Variants in HECW2 observed in about 807,000 individuals in gnomAD.
HECW2 encodes the protein E3 ubiquitin-protein ligase HECW2.
Under a neutral mutation model 175.2 loss-of-function variants are expected in HECW2, and 61 were observed. The ratio of observed to expected loss-of-function variants is 0.35; its 90% CI spans 0.28 to 0.43. The LOEUF is 0.43. HECW2 is among the 20% of genes least tolerant of loss of function. The pLI, the probability that HECW2 is intolerant of heterozygous loss-of-function variation, is 1.00. For missense variants in HECW2, 1,524 were observed against 2,000.5 expected, an observed-to-expected ratio of 0.76 and a Z score of 4.54; for synonymous variants, 671 against 731.0, an observed-to-expected ratio of 0.92 and a Z score of 1.32.
chr2:196,385,943 G>A (rs1190420713), intron 2 of HECW2, among the ~76,000 whole-genome samples: 2 of 152,120 alleles, frequency 1.3e-5, no homozygotes, highest in Non-Finnish European at 2.9e-5. Flanking sequence ...CAACAGTGTA[G>A]AGCTGTGTAT....
chr2:196,270,906 G>T (rs1689706412), intron 17 of HECW2, among the ~76,000 whole-genome samples: 2 of 152,190 alleles, frequency 1.3e-5, no homozygotes, highest in East Asian at 1.9e-4. Context: ...ATGTTGGGCA[G>T]GATGGTCTTG....
At chr2:196,203,635 T>C (rs557176851) in intron 28 of HECW2, among the ~76,000 whole-genome samples, 1 of 152,336 alleles carries the variant, frequency 6.6e-6, no homozygotes, top group Non-Finnish European at 1.5e-5. Flanking sequence ...TCTTGCTTTT[T>C]ACATTTCCTG....
intron 2 of HECW2, among the ~76,000 whole-genome samples, chr2:196,390,616 A>G (rs1694477638): frequency 6.6e-6 from 1 of 152,178 alleles, no homozygotes; most frequent in African/African-American, 2.4e-5. Context: ...AAGTACTGTG[A>G]CTGCATGTTT....
At chr2:196,223,020 C>T (rs1054277922) in intron 23 of HECW2, among the ~76,000 whole-genome samples, 2 of 151,930 alleles carry the variant, frequency 1.3e-5, no homozygotes, top group Non-Finnish European at 2.9e-5. Context: ...CATTGATTTG[C>T]TATAGCTGTT....
intron 26 of HECW2, 56 bp from the exon 27 acceptor site, chr2:196,217,149 CA>C: frequency 7.9e-7 from 1 of 1,270,202 alleles, no homozygotes; most frequent in Non-Finnish European, 1.1e-6. Context: ...ATTAAGCCAC[CA>C]AGATACGTGA....
At chr2:196,490,425 T>C (rs928216793) in intron 1 of HECW2, among the ~76,000 whole-genome samples, 10 of 152,220 alleles carry the variant, frequency 6.6e-5, no homozygotes, top group Non-Finnish European at 1.2e-4. Context: ...TGCTCTCATT[T>C]GATCCAAAAT....
Position 196,278,659 on chromosome 2 carries a change from A to G in HECW2, c.3004T>C (p.Phe1002Leu). ...GTGCGGGAGTTGTGGTCCACAAAGA[A>G]TGCCTAGGATACAATACACTGAGTC... ...EMKHDHQGKA[F>L]FVDHNSRTTT... The change falls in exon 15 of 29, where the codon TTC (phenylalanine) becomes CTC (leucine). Residue 1002 changes from phenylalanine (F) to leucine (L), a missense_variant. Physicochemically the swap from Phe to Leu is conservative, Grantham distance 22. This residue lies in a region of HECW2 where 291 missense variants were observed against 412.2 expected (regional missense o/e 0.71). Transcript: ENST00000644978. The G allele has an allele frequency of 6.2e-7, 1 of 1,613,978 alleles. No individual in the cohort carries two copies. Among genetic ancestry groups the G allele is most frequent in the East Asian group, 2.2e-5 (1 of 44,868 alleles).
At chr2:196,399,223 AT>A (rs926161091) in intron 2 of HECW2, among the ~76,000 whole-genome samples, 2 of 151,458 alleles carry the variant, frequency 1.3e-5, no homozygotes, top group African/African-American at 4.8e-5. Context: ...TTGGAGGCTA[AT>A]TTTTTCCCCA....
chr2:196,500,391 A>G (rs142165558), intron 1 of HECW2, among the ~76,000 whole-genome samples: 134 of 152,336 alleles, frequency 8.8e-4, no homozygotes, highest in African/African-American at 3.0e-3. Flanking sequence ...ATACATACAT[A>G]CATACATGCA....
In HECW2 at chr2:196,319,894, T is replaced by C. The variant is rs10172730; in HGVS notation, c.996A>G (p.Pro332=). 2,953 of 1,591,446 alleles carry C rather than the reference T, an allele frequency of 1.9e-3. 56 individuals carry two copies. The African/African-American group carries it at 0.033, about 18-fold the overall frequency. The change falls in exon 9 of 29, where the codon CCA becomes CCG. Residue 332 remains proline (P), a synonymous_variant. Coordinates refer to ENST00000644978, the MANE Select transcript of HECW2 (RefSeq NM_001348768.2). Reference sequence around the variant, plus strand: ...CTCCAAGTATTGTGCCAACAGCTTCTGGAGAGGCATCTGAATGAGAAAACA... The same window carrying C: ...CTCCAAGTATTGTGCCAACAGCTTCCGGAGAGGCATCTGAATGAGAAAACA... ...VTSSVHEDAS[P]EAVGTILGVN...
chr2:196,289,700 C>T (rs1006141156), intron 14 of HECW2: 1 of 152,142 alleles, frequency 6.6e-6, no homozygotes, highest in African/African-American at 2.4e-5. Flanking sequence ...TAGCAAGATC[C>T]TGTCTCTTAA....
rs765798549 is a variant in HECW2, at chr2:196,343,644, CTTAG to C, written c.400+9_400+12del. 6.6e-7 allele frequency: 1 copy of C among 1,523,140 alleles called. No homozygotes were observed. Among genetic ancestry groups the C allele is most frequent in the Non-Finnish European group, 9.1e-7 (1 of 1,098,036 alleles). The allele number at this position is 1,523,140 out of a possible 1,614,324, so 94.4% of individuals were successfully genotyped here. A position where few individuals can be genotyped will look rare whatever the true frequency, so the allele number is the denominator to read the frequency against. On this transcript the variant is annotated intron_variant, in intron 3 of 28. Transcript: ENST00000644978. The stretch of plus-strand genomic sequence containing the variant: ...TTCAATAATAAGTTTATATTTCACA[CTTAG>C]TTACTTACGTTCCATGAAATAGGGC...
At chr2:196,482,785 T>C (rs1012385883) in intron 1 of HECW2, among the ~76,000 whole-genome samples, 7 of 152,086 alleles carry the variant, frequency 4.6e-5, no homozygotes, top group African/African-American at 1.4e-4. Context: ...ATAAAATCAC[T>C]AAGAATTCAA....
chr2:196,399,714 T>G (rs1361719069), intron 2 of HECW2, among the ~76,000 whole-genome samples: 1 of 152,244 alleles, frequency 6.6e-6, no homozygotes, highest in Non-Finnish European at 1.5e-5. Context: ...CTATTGTTCT[T>G]TCTAACCACA....
chr2:196,264,617 C>A (rs566985366), intron 17 of HECW2, among the ~76,000 whole-genome samples: 1 of 152,064 alleles, frequency 6.6e-6, no homozygotes, highest in Non-Finnish European at 1.5e-5. Flanking sequence ...ATGAAAAGAA[C>A]CTAAACTAAT....
chr2:196,232,477 G>T (rs1217562328), intron 21 of HECW2, among the ~76,000 whole-genome samples: 2 of 152,158 alleles, frequency 1.3e-5, no homozygotes, highest in East Asian at 3.8e-4. Context: ...TCAATGAGTG[G>T]AGCTCTTTGA....
At chr2:196,356,956 C>T (rs975389219) in intron 2 of HECW2, among the ~76,000 whole-genome samples, 5 of 152,150 alleles carry the variant, frequency 3.3e-5, no homozygotes, top group African/African-American at 1.2e-4. Flanking sequence ...ACAGAGTGAA[C>T]CCAGTCTTGC....
chr2:196,403,898 C>T (rs933422349), intron 2 of HECW2, among the ~76,000 whole-genome samples: 3 of 152,154 alleles, frequency 2.0e-5, no homozygotes, highest in Admixed American at 2.0e-4. Flanking sequence ...TATTTCAGGC[C>T]TGTTACATAT....
At chr2:196,327,218 C>A (rs758334665) in intron 5 of HECW2, among the ~76,000 whole-genome samples, 92 of 152,228 alleles carry the variant, frequency 6.0e-4, no homozygotes, top group African/African-American at 1.5e-3. Flanking sequence ...TAAGTCACTG[C>A]GATAAATAAT....
Sources: gnomAD v4.1 joint callset for allele counts (sites outside exome capture counted in the v4.1 genomes callset) on GRCh38, gnomAD v4.1.1 for gene constraint, gnomAD v4.1.1 regional missense constraint, MANE v1.5 for transcripts, NCBI Gene and HGNC (gene_info 2026-07-23, HGNC 2026-07-21) for gene names.